The following DOCK3 variants were observed in gnomAD, a reference collection of about 807,000 sequenced individuals.
DOCK3 encodes the protein dedicator of cytokinesis protein 3.
In DOCK3, 60 loss-of-function variants were observed where a neutral mutation model predicts 265.6. The ratio of observed to expected loss-of-function variants is 0.23; its 90% CI spans 0.18 to 0.28. The LOEUF (loss-of-function observed/expected upper bound fraction) is 0.28, where lower values mean the gene tolerates loss of function less well. Among genes scored for constraint, DOCK3 ranks in the 10% least tolerant of loss-of-function variants. DOCK3 has a pLI of 1.00. For synonymous variants in DOCK3, 881 were observed against 938.0 expected (o/e 0.94, Z 1.11); for missense variants, 1,981 against 2,594.3 (o/e 0.76, Z 5.14).
intron 3 of DOCK3, among the ~76,000 whole-genome samples, chr3:50,849,222 A>T (rs770778032): frequency 1.3e-5 from 2 of 150,728 alleles, no homozygotes; most frequent in Non-Finnish European, 3.0e-5. Context: ...TTTTGTAGAG[A>T]CAGGGTCTTG....
intron 5 of DOCK3, among the ~76,000 whole-genome samples, chr3:50,934,524 A>T (rs1452940699): frequency 1.3e-5 from 2 of 152,222 alleles, no homozygotes; most frequent in African/African-American, 4.8e-5. Context: ...GGCCCAAAAA[A>T]TTAATAGAAA....
intron 1 of DOCK3, among the ~76,000 whole-genome samples, chr3:50,762,490 A>C (rs1332462973): frequency 6.6e-6 from 1 of 152,184 alleles, no homozygotes; most frequent in Admixed American, 6.5e-5. Flanking sequence ...TAAGAGAGAT[A>C]GGAAATATAT....
rs74509778 is a variant in DOCK3 at position 50,860,989 on chromosome 3, C to G, written c.162+19274C>G. Among the ~76,000 whole-genome samples the G allele has an allele frequency of 1.1e-3, 166 of 152,328 alleles. 6 individuals carry two copies. In the East Asian group the frequency reaches 0.029, roughly 26 times the overall value. On this transcript the variant is annotated intron_variant, in intron 3 of 52. Coordinates refer to ENST00000266037, the MANE Select transcript of DOCK3 (RefSeq NM_004947.5). ...AGGGCTCCAGGGTCTCCATGCATGC[C>G]TGAGTGGCTGCTCTGCCGAGACTCT...
rs1006919870 is a variant in DOCK3 at position 50,979,111 on chromosome 3, C to G, written c.315+45034C>G. Among the ~76,000 whole-genome samples, 9 of 152,266 alleles carry G rather than the reference C, an allele frequency of 5.9e-5. No individual in the cohort carries two copies. In the East Asian group the frequency reaches 1.5e-3, roughly 26 times the overall value. On this transcript the variant is annotated intron_variant, in intron 5 of 52. Coordinates refer to ENST00000266037, the MANE Select transcript of DOCK3 (RefSeq NM_004947.5). Reference sequence around the variant, plus strand: ...ATGCAGAAATCACCCGTCTTCTGCGCCGCTCACGCTGGGAGCTGTAGACCG... The same window carrying G: ...ATGCAGAAATCACCCGTCTTCTGCGGCGCTCACGCTGGGAGCTGTAGACCG...
chr3:51,213,308 A>G (rs2089613415), intron 13 of DOCK3, among the ~76,000 whole-genome samples: 1 of 152,150 alleles, frequency 6.6e-6, no homozygotes. Flanking sequence ...ATTCACAGTT[A>G]TAGAGGTAAC....
At chr3:51,334,460 C>CTGCTATGCATCTTT (rs1230896487) in intron 35 of DOCK3, among the ~76,000 whole-genome samples, 1 of 152,174 alleles carries the variant, frequency 6.6e-6, no homozygotes, top group African/African-American at 2.4e-5. Flanking sequence ...GTAGAAGATG[C>CTGCTATGCATCTTT]TGCTATGCAA....
chr3:51,188,820 ATTTTC>A (rs71084134), intron 12 of DOCK3, among the ~76,000 whole-genome samples: 138,267 of 151,666 alleles, frequency 0.91, 63,168 homozygotes, highest in African/African-American at 0.96. Context: ...TGTGTATCAC[ATTTTC>A]TTTTCTTATC....
At chr3:50,715,352 G>T (rs1219358968) in intron 1 of DOCK3, among the ~76,000 whole-genome samples, 1 of 152,032 alleles carries the variant, frequency 6.6e-6, no homozygotes, top group East Asian at 1.9e-4. Flanking sequence ...GGAGTTTGAG[G>T]CCAGCCTGGG....
chr3:51,277,575 G>A (rs754498184), intron 25 of DOCK3, 33 bp from the exon 26 acceptor site: 2 of 1,506,854 alleles, frequency 1.3e-6, no homozygotes, highest in Non-Finnish European at 1.8e-6. Context: ...CTGGCTTGCT[G>A]CTAATGGTGT....
chr3:50,682,796 G>A (rs1353944456), intron 1 of DOCK3, among the ~76,000 whole-genome samples: 1 of 152,186 alleles, frequency 6.6e-6, no homozygotes, highest in Non-Finnish European at 1.5e-5. Flanking sequence ...AAAATTAGCC[G>A]GGCATGGTGG....
At chr3:51,368,454 C>T (rs546243596) in intron 49 of DOCK3, among the ~76,000 whole-genome samples, 3 of 152,334 alleles carry the variant, frequency 2.0e-5, no homozygotes, top group South Asian at 2.1e-4. Context: ...GCCTCTCTCA[C>T]TGCTAGCACA....
rs147189757 is a variant in DOCK3 at position 50,909,463 on chromosome 3, C to T, written c.218+19382C>T. On this transcript the variant is annotated intron_variant, in intron 4 of 52. Coordinates refer to ENST00000266037, the MANE Select transcript of DOCK3 (RefSeq NM_004947.5). Reference sequence around the variant, plus strand: ...TTTGAAAAGGATCTTATCTCTTCTTCGCTTATGAAGCTTAGTTTGGCCAGA... The same window carrying T: ...TTTGAAAAGGATCTTATCTCTTCTTTGCTTATGAAGCTTAGTTTGGCCAGA... 5.7e-4 allele frequency among the ~76,000 whole-genome samples: 86 copies of T among 152,042 alleles called. 1 individual carries two copies. The highest frequency in any genetic ancestry group is 1.9e-3 in the African/African-American group (78 of 41,408).
chr3:50,698,663 C>G (rs1257837488), intron 1 of DOCK3, among the ~76,000 whole-genome samples: 1 of 151,390 alleles, frequency 6.6e-6, no homozygotes, highest in Non-Finnish European at 1.5e-5. Context: ...TAGCTGTGCA[C>G]AAGGGTTCCA....
At chr3:51,346,094 G>A (rs1421390762) in intron 38 of DOCK3, among the ~76,000 whole-genome samples, 1 of 152,020 alleles carries the variant, frequency 6.6e-6, no homozygotes, top group Non-Finnish European at 1.5e-5. Context: ...GGGAGCCTGG[G>A]TAAAATATCA....
chr3:51,146,447 C>T, intron 9 of DOCK3, 102 bp from the exon 10 acceptor site: 1 of 1,228,640 alleles, frequency 8.1e-7, no homozygotes, highest in Non-Finnish European at 1.1e-6. Flanking sequence ...TCACTGCAAG[C>T]TGTTATGTAA....
intron 2 of DOCK3, among the ~76,000 whole-genome samples, chr3:50,819,502 G>T (rs1294672926): frequency 6.6e-6 from 1 of 152,174 alleles, no homozygotes; most frequent in Non-Finnish European, 1.5e-5. Flanking sequence ...CAGAATCTAG[G>T]TGGGGCATGG....
At chr3:50,963,415 C>A (rs936401089) in intron 5 of DOCK3, among the ~76,000 whole-genome samples, 10 of 152,218 alleles carry the variant, frequency 6.6e-5, no homozygotes, top group Admixed American at 5.9e-4. Context: ...TATATTGTTT[C>A]ATGAACTTAG....
intron 22 of DOCK3, among the ~76,000 whole-genome samples, chr3:51,258,973 T>C (rs2079702523): frequency 6.6e-6 from 1 of 151,968 alleles, no homozygotes; most frequent in Non-Finnish European, 1.5e-5. Flanking sequence ...GCCTGAAGAG[T>C]CACCACAATA....
At chr3:50,758,511 T>C (rs1035254436) in intron 1 of DOCK3, among the ~76,000 whole-genome samples, 1 of 152,202 alleles carries the variant, frequency 6.6e-6, no homozygotes. Context: ...CAGTTCTGTC[T>C]ATGGCCATAC....
Sources: gnomAD v4.1 joint callset for allele counts (sites outside exome capture counted in the v4.1 genomes callset) on GRCh38, gnomAD v4.1.1 for gene constraint, MANE v1.5 for transcripts, NCBI Gene and HGNC (gene_info 2026-07-23, HGNC 2026-07-21) for gene names.